The following CSMD1 variants were observed in gnomAD, a reference collection of about 807,000 sequenced individuals.
The protein encoded by CSMD1 is CUB and Sushi multiple domains 1.
Under a neutral mutation model 417.5 loss-of-function variants are expected in CSMD1, and 213 were observed. That is an observed-to-expected ratio of 0.51 (90% CI 0.46 to 0.57). CSMD1 has a LOEUF of 0.57. CSMD1 is among the 20% of genes least tolerant of loss of function. The probability of loss-of-function intolerance (pLI) is 0.00; values close to 1 mark genes in which losing one functional copy is unlikely to be tolerated. For synonymous variants in CSMD1, 2,862 were observed against 1,736.8 expected, an observed-to-expected ratio of 1.65 and a Z score of -16.11; for missense variants, 6,923 against 4,529.7, an observed-to-expected ratio of 1.53 and a Z score of -15.17.
At chr8:4,392,360 C>T (rs908959943) in intron 3 of CSMD1, among the ~76,000 whole-genome samples, 1 of 151,982 alleles carries the variant, frequency 6.6e-6, no homozygotes, top group Admixed American at 6.6e-5. Context: ...TGAGGAGGAG[C>T]AGTAAAGAGA....
chr8:4,587,168 C>T (rs541032226), intron 2 of CSMD1, among the ~76,000 whole-genome samples: 11 of 152,214 alleles, frequency 7.2e-5, no homozygotes, highest in East Asian at 5.8e-4. Flanking sequence ...GTGAGCCAAC[C>T]AGCTTTTATG....
intron 50 of CSMD1, among the ~76,000 whole-genome samples, chr8:3,042,457 G>C (rs1428594899): frequency 1.3e-5 from 2 of 152,182 alleles, no homozygotes; most frequent in Admixed American, 1.3e-4. Context: ...TGCACATGAT[G>C]ATGATGCATT....
intron 2 of CSMD1, among the ~76,000 whole-genome samples, chr8:4,456,264 A>C (rs530925488): frequency 1.3e-5 from 2 of 152,236 alleles, no homozygotes; most frequent in East Asian, 3.9e-4. Context: ...GTAACAGAAA[A>C]GATGTTAAGT....
At position 3,207,020 on chromosome 8, in the gene CSMD1, G is replaced by A. The variant is rs112519458; in HGVS notation, c.4868-1400C>T. 3.1e-3 allele frequency among the ~76,000 whole-genome samples: 473 copies of A among 151,938 alleles called. 8 individuals are homozygous for A. Among genetic ancestry groups the A allele is most frequent in the African/African-American group, 0.011 (440 of 41,424 alleles). Reference sequence around the variant, plus strand: ...ACCCTTACCATGCTGGCTGTGGCCTGACTGCACTTCCTATCTTGGATATAC... The same window carrying A: ...ACCCTTACCATGCTGGCTGTGGCCTAACTGCACTTCCTATCTTGGATATAC... On this transcript the variant is annotated intron_variant, in intron 30 of 69. Transcript: ENST00000635120.
intron 10 of CSMD1, among the ~76,000 whole-genome samples, chr8:3,569,997 T>C (rs900930688): frequency 6.6e-6 from 1 of 152,200 alleles, no homozygotes; most frequent in South Asian, 2.1e-4. Context: ...CAAGAAAATA[T>C]ATACAATGTC....
intron 10 of CSMD1, among the ~76,000 whole-genome samples, chr8:3,545,396 C>A (rs754180597): frequency 1.3e-5 from 2 of 152,166 alleles, no homozygotes; most frequent in Admixed American, 6.5e-5. Flanking sequence ...ACATAAACAG[C>A]CATTGTGATG....
intron 1 of CSMD1, among the ~76,000 whole-genome samples, chr8:4,739,108 GCACA>G (rs553457549): frequency 6.6e-6 from 1 of 152,144 alleles, no homozygotes; most frequent in Non-Finnish European, 1.5e-5. Flanking sequence ...ATACACACGT[GCACA>G]CACACATACA....
chr8:2,981,397 G>A (rs1805412644), intron 54 of CSMD1, among the ~76,000 whole-genome samples: 1 of 152,124 alleles, frequency 6.6e-6, no homozygotes, highest in South Asian at 2.1e-4. Context: ...TTCATGGTGC[G>A]GAGATATGTC....
intron 2 of CSMD1, among the ~76,000 whole-genome samples, chr8:4,594,362 G>A (rs1800149942): frequency 6.6e-6 from 1 of 151,682 alleles, no homozygotes; most frequent in Non-Finnish European, 1.5e-5. Context: ...AGCATGCCTG[G>A]CTAATTTTTG....
intron 3 of CSMD1, among the ~76,000 whole-genome samples, chr8:4,145,617 C>A (rs528720552): frequency 6.6e-6 from 1 of 150,932 alleles, no homozygotes; most frequent in African/African-American, 2.5e-5. Context: ...TCAAAGTCCT[C>A]GGCTCAAGCG....
intron 1 of CSMD1, among the ~76,000 whole-genome samples, chr8:4,992,288 C>T (rs1169211878): frequency 6.6e-6 from 1 of 152,184 alleles, no homozygotes; most frequent in Non-Finnish European, 1.5e-5. Flanking sequence ...GCGGAATCCG[C>T]CCGGCACACA....
chr8:4,200,889 TTTA>T (rs1799607833), intron 3 of CSMD1, among the ~76,000 whole-genome samples: 1 of 152,182 alleles, frequency 6.6e-6, no homozygotes, highest in Non-Finnish European at 1.5e-5. Context: ...ATAACACATC[TTTA>T]AGAAACGCTA....
chr8:4,358,742 GTA>G (rs1275787037), intron 3 of CSMD1, among the ~76,000 whole-genome samples: 1 of 151,910 alleles, frequency 6.6e-6, no homozygotes, highest in East Asian at 1.9e-4. Flanking sequence ...CAAGATAAGT[GTA>G]TATGATTTCA....
rs116537008 is a variant in CSMD1 at position 4,412,184 on chromosome 8, G to A, written c.415+7769C>T. Among the ~76,000 whole-genome samples the A allele has an allele frequency of 2.0e-3, 303 of 152,208 alleles. 2 individuals carry two copies. The highest frequency in any genetic ancestry group is 7.1e-3 in the African/African-American group (293 of 41,534). On this transcript the variant is annotated intron_variant, in intron 3 of 69. Transcript: ENST00000635120. ...TGATATAGTTCGGATATCTGTCAAC[G>A]TGCAAACCTCATGTTAAATTGTAAC...
At chr8:3,193,217 A>G (rs1351334301) in intron 33 of CSMD1, among the ~76,000 whole-genome samples, 1 of 152,224 alleles carries the variant, frequency 6.6e-6, no homozygotes, top group Non-Finnish European at 1.5e-5. Flanking sequence ...GAGGAGAAAT[A>G]TAGCACCAAG....
chr8:4,877,825 C>G (rs560613699), intron 1 of CSMD1, among the ~76,000 whole-genome samples: 4 of 152,206 alleles, frequency 2.6e-5, no homozygotes, highest in Admixed American at 6.5e-5. Flanking sequence ...ACAGGCCCGT[C>G]TTCTTTGCCT....
At chr8:2,990,217 G>C (rs944865790) in intron 54 of CSMD1, among the ~76,000 whole-genome samples, 4 of 152,234 alleles carry the variant, frequency 2.6e-5, no homozygotes, top group African/African-American at 9.6e-5. Flanking sequence ...GCATGAGCAA[G>C]AGGCTGACAC....
chr8:4,772,714 G>A (rs763129531), intron 1 of CSMD1, among the ~76,000 whole-genome samples: 10 of 152,284 alleles, frequency 6.6e-5, no homozygotes, highest in South Asian at 4.1e-4. Flanking sequence ...AGTTAAGTTT[G>A]AGGCTTGAAT....
At chr8:3,482,237 G>C (rs1031959952) in intron 11 of CSMD1, among the ~76,000 whole-genome samples, 1 of 151,980 alleles carries the variant, frequency 6.6e-6, no homozygotes, top group Non-Finnish European at 1.5e-5. Flanking sequence ...ATCAGAGAGA[G>C]GCAGAATGTA....
Sources: gnomAD v4.1 joint callset for allele counts (sites outside exome capture counted in the v4.1 genomes callset) on GRCh38, gnomAD v4.1.1 for gene constraint, MANE v1.5 for transcripts, NCBI Gene and HGNC (gene_info 2026-07-23, HGNC 2026-07-21) for gene names.